Variants in RPS6KC1 observed in about 807,000 individuals in gnomAD.
RPS6KC1 encodes ribosomal protein S6 kinase C1, also known as inactive ribosomal protein S6 kinase delta-1.
A neutral mutation model predicts 103.8 loss-of-function variants in RPS6KC1; 54 were observed. That is an observed-to-expected ratio of 0.52 (90% CI 0.42 to 0.65). The LOEUF is 0.65. RPS6KC1 is among the 30% of genes least tolerant of loss of function. RPS6KC1 has a pLI of 0.00. For missense variants in RPS6KC1, 1,151 were observed against 1,253.8 expected, an observed-to-expected ratio of 0.92 and a Z score of 1.24; for synonymous variants, 439 against 438.7, an observed-to-expected ratio of 1.00 and a Z score of -0.01.
the RPS6KC1 span, among the ~76,000 whole-genome samples, chr1:213,773,474 T>C: frequency 1.3e-5 from 2 of 148,150 alleles, no homozygotes; most frequent in East Asian, 1.9e-4. Flanking sequence ...CTATATATCA[T>C]ATATCGATAT....
chr1:213,061,317 TATATGGGAGTTCTTTCAC>T (rs934107548), intron 1 of RPS6KC1, among the ~76,000 whole-genome samples: 42 of 152,204 alleles, frequency 2.8e-4, no homozygotes, highest in Non-Finnish European at 5.1e-4. Flanking sequence ...TTATCTATCT[TATATGGGAGTTCTTTCAC>T]TCCAGAGAAC....
chr1:213,051,589 C>G, intron 1 of RPS6KC1, 80 bp downstream of exon 1: 1 of 1,017,248 alleles, frequency 9.8e-7, no homozygotes, highest in Non-Finnish European at 1.5e-6. Context: ...GTGAGGGTAC[C>G]TGACTCTGGC....
intron 5 of RPS6KC1, among the ~76,000 whole-genome samples, chr1:213,120,067 G>A (rs2084210663): frequency 6.6e-6 from 1 of 152,178 alleles, no homozygotes; most frequent in South Asian, 2.1e-4. Flanking sequence ...TCTTTGGAAG[G>A]ATTTATCTTT....
chr1:213,281,546 C>T, the RPS6KC1 span, among the ~76,000 whole-genome samples: 1 of 152,232 alleles, frequency 6.6e-6, no homozygotes, highest in Non-Finnish European at 1.5e-5. Flanking sequence ...CTGATCATAC[C>T]TTTCCTGATT....
intron 1 of RPS6KC1, among the ~76,000 whole-genome samples, chr1:213,060,730 A>G (rs138438461): frequency 2.0e-5 from 3 of 152,220 alleles, no homozygotes; most frequent in African/African-American, 4.8e-5. Context: ...GAATACTGCT[A>G]TAATTGGTAA....
chr1:213,352,282 T>C, the RPS6KC1 span, among the ~76,000 whole-genome samples: 30 of 152,190 alleles, frequency 2.0e-4, no homozygotes, highest in Admixed American at 2.0e-3. Flanking sequence ...CGTTCTTCAA[T>C]ATTCTCTACT....
chr1:213,099,860 CA>C (rs1212023551), intron 3 of RPS6KC1, among the ~76,000 whole-genome samples: 1 of 152,190 alleles, frequency 6.6e-6, no homozygotes, highest in Non-Finnish European at 1.5e-5. Context: ...AAATGTACCA[CA>C]GTCTGTTTAT....
the RPS6KC1 span, among the ~76,000 whole-genome samples, chr1:213,567,891 G>A: frequency 6.6e-6 from 1 of 152,196 alleles, no homozygotes; most frequent in Non-Finnish European, 1.5e-5. Flanking sequence ...CTCTGCCTGG[G>A]TCAGTAATGT....
At chr1:213,116,039 G>T (rs1030949306) in intron 4 of RPS6KC1, among the ~76,000 whole-genome samples, 5 of 151,976 alleles carry the variant, frequency 3.3e-5, no homozygotes, top group Non-Finnish European at 5.9e-5. Context: ...GTTGATTTGG[G>T]GTGGAGAGTT....
At chr1:213,720,469 A>T in the RPS6KC1 span, among the ~76,000 whole-genome samples, 406 of 152,358 alleles carry the variant, frequency 2.7e-3, 4 homozygotes, top group Non-Finnish European at 2.3e-3. Context: ...ACATTCAAAT[A>T]AATTCATTCA....
In RPS6KC1 at chr1:213,098,769, A is replaced by G. The variant is rs982555584; in HGVS notation, c.263-5685A>G. On this transcript the variant is annotated intron_variant, in intron 3 of 14. Coordinates refer to ENST00000366960, the MANE Select transcript of RPS6KC1 (RefSeq NM_012424.6). ...ATAATAATGAAAAAGTTTGATTGTG[A>G]CATTTACCAAAATGTGACACAGAGA... 8.5e-5 allele frequency among the ~76,000 whole-genome samples: 13 copies of G among 152,338 alleles called. 1 individual carries two copies. Among genetic ancestry groups the G allele is most frequent in the Admixed American group, 3.3e-4 (5 of 15,298 alleles).
At chr1:213,189,160 G>A (rs895277509) in intron 8 of RPS6KC1, among the ~76,000 whole-genome samples, 11 of 152,152 alleles carry the variant, frequency 7.2e-5, no homozygotes, top group Admixed American at 7.2e-4. Flanking sequence ...CAATAAAAGT[G>A]TACCTTGGCC....
chr1:213,123,384 C>G (rs562937119), intron 5 of RPS6KC1, among the ~76,000 whole-genome samples: 2 of 152,008 alleles, frequency 1.3e-5, no homozygotes, highest in Admixed American at 6.6e-5. Context: ...ATTAAGATTG[C>G]TGTGTTGTTT....
chr1:213,100,022 T>C (rs1355342340), intron 3 of RPS6KC1, among the ~76,000 whole-genome samples: 1 of 152,196 alleles, frequency 6.6e-6, no homozygotes, highest in East Asian at 1.9e-4. Context: ...GTATGTTTTA[T>C]TTTATAAGGA....
At chr1:213,686,551 G>C in the RPS6KC1 span, among the ~76,000 whole-genome samples, 7 of 152,156 alleles carry the variant, frequency 4.6e-5, no homozygotes, top group East Asian at 1.9e-4. Context: ...TTTTAAAAAT[G>C]CTACTAATTT....
At chr1:213,191,912 G>A (rs1231429010) in intron 8 of RPS6KC1, among the ~76,000 whole-genome samples, 3 of 151,962 alleles carry the variant, frequency 2.0e-5, no homozygotes, top group Non-Finnish European at 2.9e-5. Context: ...ATGTTCGAGC[G>A]ATTCTCCTGA....
At chr1:213,421,195 T>C in the RPS6KC1 span, among the ~76,000 whole-genome samples, 1 of 150,512 alleles carries the variant, frequency 6.6e-6, no homozygotes, top group Non-Finnish European at 1.5e-5. Context: ...CACTGTAACC[T>C]CTGCCTCCAG....
the RPS6KC1 span, among the ~76,000 whole-genome samples, chr1:213,715,303 C>T: frequency 1.3e-5 from 2 of 152,224 alleles, no homozygotes; most frequent in African/African-American, 4.8e-5. Context: ...GATCTGAGCT[C>T]TTAACATAGC....
the RPS6KC1 span, among the ~76,000 whole-genome samples, chr1:213,711,120 G>T: frequency 6.6e-6 from 1 of 152,096 alleles, no homozygotes; most frequent in East Asian, 1.9e-4. Context: ...TTTCCAACTT[G>T]GTTCCATTTT....
Sources: allele counts gnomAD v4.1 joint callset (sites outside exome capture counted in the v4.1 genomes callset), GRCh38; gene constraint gnomAD v4.1.1; transcripts MANE v1.5; gene names NCBI Gene and HGNC (gene_info 2026-07-23, HGNC 2026-07-21).